The following RBFOX1 variants were observed in gnomAD, a reference collection of about 807,000 sequenced individuals.
RBFOX1 encodes RNA binding protein fox-1 homolog 1.
Under a neutral mutation model 57.7 loss-of-function variants are expected in RBFOX1, and 8 were observed. That is an observed-to-expected ratio of 0.14 (90% CI 0.08 to 0.25). The LOEUF (loss-of-function observed/expected upper bound fraction) is 0.25, where lower values mean the gene tolerates loss of function less well. Ranked by LOEUF, RBFOX1 falls within the 10% of genes least tolerant of loss-of-function variation. The pLI is 1.00. For missense variants in RBFOX1, 611 were observed against 548.5 expected (o/e 1.11, Z -1.14); for synonymous variants, 326 against 222.4 (o/e 1.47, Z -4.15).
chr16:5,285,348 C>A (rs2063366742), intron 1 of RBFOX1, among the ~76,000 whole-genome samples: 1 of 144,004 alleles, frequency 6.9e-6, no homozygotes, highest in Non-Finnish European at 1.5e-5. Flanking sequence ...TCATTCAGAT[C>A]ATGAATTGTT....
At chr16:6,151,725 C>A (rs1350411295) in intron 1 of RBFOX1, among the ~76,000 whole-genome samples, 1 of 152,174 alleles carries the variant, frequency 6.6e-6, no homozygotes, top group East Asian at 1.9e-4. Context: ...CTGCTGTGAA[C>A]CAGGAAAACT....
intron 2 of RBFOX1, among the ~76,000 whole-genome samples, chr16:6,561,666 C>G (rs1172866576): frequency 6.6e-6 from 1 of 152,094 alleles, no homozygotes; most frequent in Non-Finnish European, 1.5e-5. Context: ...TTTATTTTAT[C>G]TTTTTGTTTT....
At chr16:7,044,819 G>A (rs1021106954) in intron 3 of RBFOX1, among the ~76,000 whole-genome samples, 1 of 152,116 alleles carries the variant, frequency 6.6e-6, no homozygotes, top group African/African-American at 2.4e-5. Context: ...CTTCATCACA[G>A]ACTGTAGGGA....
chr16:6,121,847 G>C (rs917892736), intron 1 of RBFOX1, among the ~76,000 whole-genome samples: 2 of 152,202 alleles, frequency 1.3e-5, no homozygotes, highest in Non-Finnish European at 2.9e-5. Flanking sequence ...GGGATTAAGT[G>C]AGGCAATACC....
intron 3 of RBFOX1, among the ~76,000 whole-genome samples, chr16:5,801,919 A>C (rs2055070330): frequency 6.6e-6 from 1 of 152,158 alleles, no homozygotes; most frequent in African/African-American, 2.4e-5. Context: ...AGCATAAAGG[A>C]AAGCGAATTC....
At chr16:7,379,746 T>TTGCCTGCCTGCCTGCC (rs1010841799) in intron 4 of RBFOX1, among the ~76,000 whole-genome samples, 8 of 151,122 alleles carry the variant, frequency 5.3e-5, no homozygotes, top group Non-Finnish European at 1.0e-4. Context: ...GCCTGCCTGC[T>TTGCCTGCCTGCCTGCC]TGCCTGCCTG....
At chr16:6,715,368 T>C (rs139004872) in intron 3 of RBFOX1, among the ~76,000 whole-genome samples, 215 of 152,248 alleles carry the variant, frequency 1.4e-3, no homozygotes, top group African/African-American at 4.9e-3. Flanking sequence ...GTGAGTGATT[T>C]TGAATGCTGC....
intron 3 of RBFOX1, among the ~76,000 whole-genome samples, chr16:5,753,585 G>C (rs1567494263): frequency 6.6e-6 from 1 of 152,166 alleles, no homozygotes. Context: ...GCTGGCGAGA[G>C]CCGATTGTGA....
chr16:6,883,792 AG>A (rs386788361), intron 3 of RBFOX1, among the ~76,000 whole-genome samples: 11 of 151,940 alleles, frequency 7.2e-5, no homozygotes, highest in African/African-American at 1.4e-4. Context: ...GTTAGTGAAG[AG>A]GTTTTTTTTT....
intron 3 of RBFOX1, among the ~76,000 whole-genome samples, chr16:7,013,740 C>T (rs2093765696): frequency 6.6e-6 from 1 of 151,832 alleles, no homozygotes; most frequent in South Asian, 2.1e-4. Flanking sequence ...TCACTGCAGC[C>T]TCAAACTCCC....
intron 3 of RBFOX1, among the ~76,000 whole-genome samples, chr16:6,883,215 G>C (rs1399088730): frequency 1.3e-5 from 2 of 152,152 alleles, no homozygotes; most frequent in Admixed American, 1.3e-4. Context: ...AAAGTACTTA[G>C]CTTAGAAATC....
At chr16:6,939,176 G>C (rs763211807) in intron 3 of RBFOX1, among the ~76,000 whole-genome samples, 2 of 152,066 alleles carry the variant, frequency 1.3e-5, no homozygotes, top group Non-Finnish European at 2.9e-5. Context: ...TTAGAACTCA[G>C]GCCAATGAAG....
At chr16:7,301,907 T>C (rs957360436) in intron 4 of RBFOX1, among the ~76,000 whole-genome samples, 3 of 152,064 alleles carry the variant, frequency 2.0e-5, no homozygotes, top group Non-Finnish European at 1.5e-5. Context: ...GTTTTGTGAA[T>C]GCAAAAATAA....
intron 1 of RBFOX1, among the ~76,000 whole-genome samples, chr16:5,385,089 T>C (rs1044084951): frequency 6.6e-6 from 1 of 152,324 alleles, no homozygotes; most frequent in East Asian, 1.9e-4. Flanking sequence ...AAATGCCGGG[T>C]TCAACATTAG....
intron 4 of RBFOX1, among the ~76,000 whole-genome samples, chr16:7,294,863 AC>A (rs1468383467): frequency 1.3e-5 from 2 of 152,114 alleles, no homozygotes; most frequent in African/African-American, 4.8e-5. Flanking sequence ...TAAAAAGGAT[AC>A]TTTCTCATTT....
intron 14 of RBFOX1, among the ~76,000 whole-genome samples, chr16:7,704,517 G>C (rs2081807718): frequency 6.6e-6 from 1 of 152,160 alleles, no homozygotes; most frequent in Non-Finnish European, 1.5e-5. Context: ...ACAGGCATGA[G>C]TGTCTCTCCC....
chr16:7,225,373 G>A (rs758466895), intron 4 of RBFOX1, among the ~76,000 whole-genome samples: 1 of 152,104 alleles, frequency 6.6e-6, no homozygotes, highest in Non-Finnish European at 1.5e-5. Flanking sequence ...CATGAGATCT[G>A]ATGGTTTTGT....
chr16:7,433,383 A>G (rs1165487110), intron 4 of RBFOX1, among the ~76,000 whole-genome samples: 1 of 152,194 alleles, frequency 6.6e-6, no homozygotes, highest in Non-Finnish European at 1.5e-5. Flanking sequence ...TCCCCACGTC[A>G]TCATAGAGAC....
At chr16:5,363,154 C>A (rs1026899989) in intron 1 of RBFOX1, among the ~76,000 whole-genome samples, 1 of 150,842 alleles carries the variant, frequency 6.6e-6, no homozygotes, top group Non-Finnish European at 1.5e-5. Context: ...CTGCTTCAGC[C>A]TCCTGAGTAG....
Sources: allele counts gnomAD v4.1 joint callset (sites outside exome capture counted in the v4.1 genomes callset), GRCh38; gene constraint gnomAD v4.1.1; transcripts MANE v1.5; gene names NCBI Gene and HGNC (gene_info 2026-07-23, HGNC 2026-07-21).